The following MRRF variants were observed in gnomAD, a reference collection of about 807,000 sequenced individuals.
MRRF encodes ribosome-recycling factor, mitochondrial.
A neutral mutation model predicts 25.1 loss-of-function variants in MRRF; 18 were observed. That is an observed-to-expected ratio of 0.72 (90% confidence interval 0.50 to 1.06). The LOEUF (loss-of-function observed/expected upper bound fraction) is 1.06, where lower values mean the gene tolerates loss of function less well. Among genes scored for constraint, MRRF ranks in the 50% least tolerant of loss-of-function variants. The pLI, the probability that MRRF is intolerant of heterozygous loss-of-function variation, is 0.00. For synonymous variants in MRRF, 113 were observed against 112.1 expected (o/e 1.01, Z -0.05); for missense variants, 323 against 319.3 (o/e 1.01, Z -0.09).
At chr9:122,304,045 T>G (rs1020094232) in intron 5 of MRRF, among the ~76,000 whole-genome samples, 6 of 146,908 alleles carry the variant, frequency 4.1e-5, no homozygotes, top group African/African-American at 1.3e-4. Context: ...CAGGAAATAC[T>G]GGTAATACCC....
chr9:122,313,477 C>A lies in MRRF; in HGVS notation c.711+91C>A, dbSNP rs1199655668. The A allele has an allele frequency of 2.9e-6, 4 of 1,359,148 alleles. No homozygotes were observed. The East Asian group carries it at 9.2e-5, about 31-fold the overall frequency. 84.2% of individuals were successfully genotyped at this position (1,359,148 alleles called of 1,614,324 possible). ...AGGTGAGGACAGTTAAAACAGAATACCTCTGATCTTTCATTCACATTATCA... is the reference window on the plus strand; with the variant it reads ...AGGTGAGGACAGTTAAAACAGAATAACTCTGATCTTTCATTCACATTATCA... On this transcript the variant is annotated intron_variant, in intron 6 of 6. Coordinates refer to ENST00000344641, the MANE Select transcript of MRRF (RefSeq NM_138777.5).
At chr9:122,271,100 T>G in intron 2 of MRRF, 25 bp downstream of exon 2, 3 of 1,589,550 alleles carry the variant, frequency 1.9e-6, no homozygotes, top group Non-Finnish European at 2.6e-6. Context: ...CGTTCTCTCC[T>G]ACTTCACCCC....
chr9:122,302,808 G>T (rs1053363879), intron 5 of MRRF, among the ~76,000 whole-genome samples: 11 of 152,158 alleles, frequency 7.2e-5, no homozygotes, highest in Admixed American at 6.5e-5. Context: ...CTTCCACAAG[G>T]ACTGCACATT....
chr9:122,306,584 A>G (rs999977225), intron 5 of MRRF, among the ~76,000 whole-genome samples: 2 of 152,206 alleles, frequency 1.3e-5, no homozygotes, highest in African/African-American at 2.4e-5. Flanking sequence ...TTGCGTTCAG[A>G]GAGGAAAAAT....
intron 6 of MRRF, among the ~76,000 whole-genome samples, chr9:122,315,085 TG>T (rs3215926): frequency 0.14 from 21,088 of 151,250 alleles, 1,698 homozygotes; most frequent in East Asian, 0.22. Flanking sequence ...AACAGTCACC[TG>T]GGGGGGGGAA....
Position 122,295,013 on chromosome 9 carries a change from T to C in MRRF, c.551+3173T>C, listed in dbSNP as rs377708730. ...TCAGGAAAGCAGAAAAGTATAATGGTTAAATTTTGCGTTGGTGTCACGTAA... is the reference window on the plus strand; with the variant it reads ...TCAGGAAAGCAGAAAAGTATAATGGCTAAATTTTGCGTTGGTGTCACGTAA... On this transcript the variant is annotated intron_variant, in intron 5 of 6. Coordinates refer to ENST00000344641, the MANE Select transcript of MRRF (RefSeq NM_138777.5). Among the ~76,000 whole-genome samples the C allele has an allele frequency of 2.8e-4, 43 of 152,246 alleles. 1 individual carries two copies. The East Asian group carries it at 7.9e-3, about 28-fold the overall frequency.
At chr9:122,303,060 T>A (rs1191236309) in intron 5 of MRRF, among the ~76,000 whole-genome samples, 1 of 152,194 alleles carries the variant, frequency 6.6e-6, no homozygotes, top group East Asian at 1.9e-4. Flanking sequence ...TGTTCTTGTG[T>A]TACATGATTT....
chr9:122,317,308 C>T (rs185854410), intron 6 of MRRF, among the ~76,000 whole-genome samples: 14 of 152,044 alleles, frequency 9.2e-5, no homozygotes, highest in African/African-American at 2.9e-4. Flanking sequence ...GTTGCTTTTA[C>T]TTTCACACTC....
At chr9:122,267,863 A>G (rs1832211093) in intron 1 of MRRF, among the ~76,000 whole-genome samples, 1 of 152,194 alleles carries the variant, frequency 6.6e-6, no homozygotes, top group Non-Finnish European at 1.5e-5. Context: ...TTAAAGTCTC[A>G]TTAATATCAC....
intron 5 of MRRF, among the ~76,000 whole-genome samples, chr9:122,307,908 A>G (rs1261682213): frequency 6.6e-6 from 1 of 152,178 alleles, no homozygotes; most frequent in East Asian, 1.9e-4. Flanking sequence ...TTCCTCTGAT[A>G]TGCACCTGGT....
chr9:122,305,794 A>G (rs1834803975), intron 5 of MRRF, among the ~76,000 whole-genome samples: 1 of 152,148 alleles, frequency 6.6e-6, no homozygotes, highest in African/African-American at 2.4e-5. Context: ...CTAGAATGTG[A>G]GTGCTTTGAG....
Position 122,280,457 on chromosome 9 carries a change from C to T in MRRF, c.199C>T (p.Gln67Ter). 6.2e-7 allele frequency: 1 copy of T among 1,614,124 alleles called. No individual in the cohort carries two copies. The highest frequency in any genetic ancestry group is 8.5e-7 in the Non-Finnish European group (1 of 1,179,992). ...TCACTTTTTAGCCAAAGGGAAAGGA[C>T]AGTCCCAAACCAGAGTGAATATTAA... Reference protein sequence around the residue: ...TKKAKAKGKGQSQTRVNINAA... With the variant: ...TKKAKAKGKG Residue 67 changes from glutamine to a stop codon, truncating the protein, a stop_gained, in exon 3 of 7, where the codon CAG (glutamine) becomes TAG (stop). Transcript: ENST00000344641. LOFTEE classifies it high-confidence loss of function.
intron 5 of MRRF, among the ~76,000 whole-genome samples, chr9:122,293,230 T>C (rs919409220): frequency 6.6e-6 from 1 of 152,122 alleles, no homozygotes; most frequent in Non-Finnish European, 1.5e-5. Flanking sequence ...AAAAGGGAAA[T>C]GGAGTTGAAC....
At chr9:122,288,939 G>A (rs1833579410) in intron 4 of MRRF, among the ~76,000 whole-genome samples, 1 of 152,134 alleles carries the variant, frequency 6.6e-6, no homozygotes, top group Admixed American at 6.5e-5. Flanking sequence ...GTCATCATTT[G>A]AGAGCAACCT....
At chr9:122,273,680 C>T (rs1832603312) in intron 2 of MRRF, among the ~76,000 whole-genome samples, 1 of 152,088 alleles carries the variant, frequency 6.6e-6, no homozygotes, top group South Asian at 2.1e-4. Context: ...TTGTGTTTTC[C>T]AAACTTACCA....
intron 1 of MRRF, among the ~76,000 whole-genome samples, chr9:122,266,296 A>G (rs905780222): frequency 3.3e-5 from 5 of 152,228 alleles, no homozygotes; most frequent in Non-Finnish European, 7.3e-5. Flanking sequence ...AAAGGGTGCT[A>G]TGAAAGCAGA....
intron 2 of MRRF, among the ~76,000 whole-genome samples, chr9:122,271,949 T>G (rs1056216380): frequency 6.6e-6 from 1 of 152,204 alleles, no homozygotes; most frequent in African/African-American, 2.4e-5. Context: ...CCTTCCCCTT[T>G]CTGTAATAGG....
At chr9:122,311,860 T>C (rs1057158865) in intron 5 of MRRF, among the ~76,000 whole-genome samples, 1 of 152,248 alleles carries the variant, frequency 6.6e-6, no homozygotes, top group Non-Finnish European at 1.5e-5. Context: ...GATTAAGTTC[T>C]TGAATCAGTG....
At chr9:122,269,193 A>G (rs908143762) in intron 1 of MRRF, among the ~76,000 whole-genome samples, 8 of 151,728 alleles carry the variant, frequency 5.3e-5, no homozygotes, top group African/African-American at 1.9e-4. Flanking sequence ...TAATAATAAT[A>G]GCCATCATTC....
Sources: allele counts gnomAD v4.1 joint callset (sites outside exome capture counted in the v4.1 genomes callset), GRCh38; gene constraint gnomAD v4.1.1; transcripts MANE v1.5; gene names NCBI Gene and HGNC (gene_info 2026-07-23, HGNC 2026-07-21).